Variants in CCBE1 observed in about 807,000 individuals in gnomAD.
CCBE1 encodes the protein collagen and calcium binding EGF domains 1.
A neutral mutation model predicts 50.0 loss-of-function variants in CCBE1; 37 were observed. The observed-to-expected ratio is 0.74, with a 90% confidence interval of 0.57 to 0.97. The LOEUF (loss-of-function observed/expected upper bound fraction) is 0.97, where lower values mean the gene tolerates loss of function less well. CCBE1 is among the 50% of genes least tolerant of loss of function. The pLI, the probability that CCBE1 is intolerant of heterozygous loss-of-function variation, is 0.00. For missense variants in CCBE1, 538 were observed against 523.8 expected, an observed-to-expected ratio of 1.03 and a Z score of -0.26; for synonymous variants, 234 against 203.7, an observed-to-expected ratio of 1.15 and a Z score of -1.27.
intron 2 of CCBE1, among the ~76,000 whole-genome samples, chr18:59,567,035 T>G (rs1280481234): frequency 1.3e-5 from 2 of 152,180 alleles, no homozygotes; most frequent in African/African-American, 2.4e-5. Flanking sequence ...AGCAAAGAGG[T>G]GAGAGGATTA....
intron 3 of CCBE1, among the ~76,000 whole-genome samples, chr18:59,470,026 G>A (rs644856): frequency 0.42 from 64,291 of 151,960 alleles, 13,839 homozygotes; most frequent in South Asian, 0.51. Context: ...GTGTCATCAT[G>A]TGGGAGGAAG....
At chr18:59,564,265 C>A (rs1261044848) in intron 2 of CCBE1, among the ~76,000 whole-genome samples, 1 of 152,162 alleles carries the variant, frequency 6.6e-6, no homozygotes, top group African/African-American at 2.4e-5. Flanking sequence ...GGGTAAATTC[C>A]TCTTTAATCC....
chr18:59,666,998 G>C (rs1246506383), intron 2 of CCBE1, among the ~76,000 whole-genome samples: 2 of 152,120 alleles, frequency 1.3e-5, no homozygotes, highest in East Asian at 1.9e-4. Context: ...AAGAGGCCAG[G>C]CTCAGTGGTT....
At chr18:59,474,322 G>C (rs1246581755) in intron 3 of CCBE1, among the ~76,000 whole-genome samples, 2 of 152,174 alleles carry the variant, frequency 1.3e-5, no homozygotes, top group African/African-American at 4.8e-5. Flanking sequence ...GTTTATTCAC[G>C]GTGTATTTAA....
chr18:59,488,203 A>ATCC (rs1912914653), intron 2 of CCBE1, among the ~76,000 whole-genome samples: 1 of 152,228 alleles, frequency 6.6e-6, no homozygotes. Flanking sequence ...GTTAGTAGGA[A>ATCC]GTTACTGGGT....
intron 3 of CCBE1, among the ~76,000 whole-genome samples, chr18:59,474,772 CACT>C (rs1912227922): frequency 6.6e-6 from 1 of 152,218 alleles, no homozygotes; most frequent in South Asian, 2.1e-4. Flanking sequence ...CCTGTTTTCA[CACT>C]ACTTTTACCC....
chr18:59,505,189 A>G (rs1487601342), intron 2 of CCBE1, among the ~76,000 whole-genome samples: 1 of 152,166 alleles, frequency 6.6e-6, no homozygotes. Context: ...AAAGTATAGA[A>G]CTTTGGGCCA....
intron 2 of CCBE1, among the ~76,000 whole-genome samples, chr18:59,547,047 G>C (rs3133203): frequency 0.12 from 7,135 of 58,008 alleles, 455 homozygotes; most frequent in East Asian, 0.24. Context: ...GAGAGGGGGA[G>C]AGAGGGGGAG....
At chr18:59,510,948 C>G (rs1914106114) in intron 2 of CCBE1, among the ~76,000 whole-genome samples, 1 of 152,196 alleles carries the variant, frequency 6.6e-6, no homozygotes, top group Non-Finnish European at 1.5e-5. Flanking sequence ...TTTATACCAT[C>G]AGGAGCATCG....
At chr18:59,574,633 T>TC (rs2052965326) in intron 2 of CCBE1, among the ~76,000 whole-genome samples, 1 of 152,212 alleles carries the variant, frequency 6.6e-6, no homozygotes, top group Non-Finnish European at 1.5e-5. Context: ...ATAAAAAATG[T>TC]GCTGGTTAAT....
Position 59,469,637 on chromosome 18 carries a change from A to G in CCBE1, c.266-30T>C, listed in dbSNP as rs632899. ...AAAAGCAAAGTGAGAGCTCACATCA[A>G]CTACAGGAGGAGGCGGAGTAACCTG... On this transcript the variant is annotated intron_variant, in intron 3 of 10. Transcript: ENST00000439986. 734,186 of 1,612,994 alleles carry G rather than the reference A, an allele frequency of 0.46. 168,196 individuals carry two copies. Among genetic ancestry groups the G allele is most frequent in the South Asian group, 0.51 (46,810 of 91,050 alleles).
chr18:59,469,698 T>A, intron 3 of CCBE1, 91 bp from the exon 4 acceptor site: 1 of 1,542,722 alleles, frequency 6.5e-7, no homozygotes, highest in South Asian at 1.1e-5. Flanking sequence ...GGCTGGGCTC[T>A]GCTCAAGGGC....
rs564131544 is a variant in CCBE1, at chr18:59,629,381, C to G, written c.212+67248G>C. On this transcript the variant is annotated intron_variant, in intron 2 of 10. Coordinates refer to ENST00000439986, the MANE Select transcript of CCBE1 (RefSeq NM_133459.4). ...CTCCCTGTCCCAGCCATTTCCAATG[C>G]TGCTGTTTTTCCCTTCATTTTCATC... Among the ~76,000 whole-genome samples the G allele has an allele frequency of 2.4e-4, 36 of 152,346 alleles. 1 individual carries two copies. The highest frequency in any genetic ancestry group is 1.7e-3 in the Admixed American group (26 of 15,302).
chr18:59,697,623 G>C (rs1224070997), upstream of CCBE1: 4 of 442,224 alleles, frequency 9.0e-6, no homozygotes. Flanking sequence ...AAGTTGTCTC[G>C]TCGGGACGTT....
chr18:59,465,216 G>A (rs1435864576), intron 5 of CCBE1, among the ~76,000 whole-genome samples: 1 of 152,194 alleles, frequency 6.6e-6, no homozygotes. Flanking sequence ...GGCTAGGCTG[G>A]CACTGACAAC....
chr18:59,681,412 G>A lies in CCBE1; in HGVS notation c.212+15217C>T, dbSNP rs145885612. Among the ~76,000 whole-genome samples the A allele has an allele frequency of 2.1e-3, 322 of 152,338 alleles. 3 individuals carry two copies. The highest frequency in any genetic ancestry group is 7.3e-3 in the African/African-American group (304 of 41,576). ...GATGTGTAAGAAATTTTATGAGAAA[G>A]CTGATCTGATGTCCCCTTTTCTTCC... On this transcript the variant is annotated intron_variant, in intron 2 of 10. Transcript: ENST00000439986.
chr18:59,602,248 G>C (rs1346970114), intron 2 of CCBE1, among the ~76,000 whole-genome samples: 1 of 152,028 alleles, frequency 6.6e-6, no homozygotes. Context: ...GAGGATACTG[G>C]AGCAGCAAAA....
intron 2 of CCBE1, among the ~76,000 whole-genome samples, chr18:59,595,708 C>T (rs1047644741): frequency 3.9e-5 from 6 of 152,216 alleles, no homozygotes; most frequent in African/African-American, 1.4e-4. Context: ...TAATTATCTG[C>T]AAACATTTAA....
At position 59,482,636 on chromosome 18, in the gene CCBE1, G is replaced by A. The variant is rs940173502; in HGVS notation, c.213-2398C>T. Among the ~76,000 whole-genome samples the A allele has an allele frequency of 3.9e-5, 6 of 152,150 alleles. No individual in the cohort carries two copies. The East Asian group carries it at 7.7e-4, about 20-fold the overall frequency. On this transcript the variant is annotated intron_variant, in intron 2 of 10. Coordinates refer to ENST00000439986, the MANE Select transcript of CCBE1 (RefSeq NM_133459.4). ...ATGACAACTGTAGGAAAAAATGGCA[G>A]TTGGTTAAATGGACCTATATGGTTA...
Sources: gnomAD v4.1 joint callset for allele counts (sites outside exome capture counted in the v4.1 genomes callset) on GRCh38, gnomAD v4.1.1 for gene constraint, MANE v1.5 for transcripts, NCBI Gene and HGNC (gene_info 2026-07-23, HGNC 2026-07-21) for gene names.